Variants in ADAMTS2 observed in about 807,000 individuals in gnomAD.
The protein encoded by ADAMTS2 is A disintegrin and metalloproteinase with thrombospondin motifs 2.
Under a neutral mutation model 123.0 loss-of-function variants are expected in ADAMTS2, and 50 were observed. The observed-to-expected ratio is 0.41, with a 90% CI of 0.32 to 0.51. The LOEUF (loss-of-function observed/expected upper bound fraction) is 0.51, where lower values mean the gene tolerates loss of function less well. Ranked by LOEUF, ADAMTS2 falls within the 20% of genes least tolerant of loss-of-function variation. The pLI, the probability that ADAMTS2 is intolerant of heterozygous loss-of-function variation, is 0.35. For synonymous variants in ADAMTS2, 678 were observed against 695.4 expected (o/e 0.98, Z 0.39); for missense variants, 1,494 against 1,705.2 (o/e 0.88, Z 2.18).
intron 2 of ADAMTS2, among the ~76,000 whole-genome samples, chr5:179,321,907 G>A (rs2113594782): frequency 6.6e-6 from 1 of 152,246 alleles, no homozygotes; most frequent in Non-Finnish European, 1.5e-5. Context: ...GCCTCTCCAT[G>A]TTTCCTGAGT....
intron 5 of ADAMTS2, among the ~76,000 whole-genome samples, chr5:179,164,111 G>T (rs188173884): frequency 1.9e-3 from 285 of 152,298 alleles, no homozygotes; most frequent in Non-Finnish European, 3.0e-3. Flanking sequence ...ACCTGCCACT[G>T]GGAGCTTAAC....
chr5:179,205,327 A>G (rs1764654521), intron 4 of ADAMTS2, among the ~76,000 whole-genome samples: 2 of 152,248 alleles, frequency 1.3e-5, no homozygotes, highest in Admixed American at 1.3e-4. Flanking sequence ...TGTCATGATA[A>G]CAAAACCACA....
chr5:179,342,381 T>A (rs1047324245), intron 2 of ADAMTS2, among the ~76,000 whole-genome samples: 1 of 152,162 alleles, frequency 6.6e-6, no homozygotes, highest in Non-Finnish European at 1.5e-5. Flanking sequence ...CAGTGGGCGA[T>A]GTCAAGGGCT....
chr5:179,322,071 A>G (rs1021651750), intron 2 of ADAMTS2, among the ~76,000 whole-genome samples: 23 of 152,240 alleles, frequency 1.5e-4, no homozygotes, highest in Non-Finnish European at 2.9e-5. Flanking sequence ...ATGTGCATGG[A>G]CGTGGGAGAC....
rs1763514599 is a variant in ADAMTS2, at chr5:179,158,014, G to C, written c.1132+709C>G. 6.6e-6 allele frequency among the ~76,000 whole-genome samples: 1 copy of C among 151,746 alleles called. No individual in the cohort carries two copies. The highest frequency in any genetic ancestry group is 2.1e-4 in the South Asian group (1 of 4,796). On this transcript the variant is annotated intron_variant, in intron 6 of 21. Coordinates refer to ENST00000251582, the MANE Select transcript of ADAMTS2 (RefSeq NM_014244.5). This position sits in a 1 kb window ranked among gnomAD's most constrained non-coding sequence, Gnocchi z 5.0. Reference sequence around the variant, plus strand: ...GAGTCTCGCACTGTCTCCCAGGCTGGAGCAAAGTGGTGCGATCTCGACTCA... The same window carrying C: ...GAGTCTCGCACTGTCTCCCAGGCTGCAGCAAAGTGGTGCGATCTCGACTCA...
chr5:179,186,689 T>G (rs1764178448), intron 4 of ADAMTS2, among the ~76,000 whole-genome samples: 3 of 152,190 alleles, frequency 2.0e-5, no homozygotes, highest in Non-Finnish European at 4.4e-5. Flanking sequence ...GAGAGTCGAC[T>G]GATGTGGCAA....
chr5:179,200,957 T>C (rs1434558306), intron 4 of ADAMTS2, among the ~76,000 whole-genome samples: 1 of 152,182 alleles, frequency 6.6e-6, no homozygotes, highest in African/African-American at 2.4e-5. Flanking sequence ...AGGGCATGAA[T>C]AGGCCAAGCA....
At chr5:179,149,632 G>A (rs1763314765) in intron 10 of ADAMTS2, among the ~76,000 whole-genome samples, 1 of 152,218 alleles carries the variant, frequency 6.6e-6, no homozygotes, top group Non-Finnish European at 1.5e-5. Flanking sequence ...GTCCTTGCGG[G>A]AAAGGGTGGG....
chr5:179,316,569 C>G (rs1411503312), intron 2 of ADAMTS2, among the ~76,000 whole-genome samples: 1 of 152,234 alleles, frequency 6.6e-6, no homozygotes, highest in Non-Finnish European at 1.5e-5. Context: ...AACCTGTGAG[C>G]TCCAAGAGAA....
At chr5:179,269,157 G>A (rs1000382583) in intron 3 of ADAMTS2, among the ~76,000 whole-genome samples, 1 of 152,180 alleles carries the variant, frequency 6.6e-6, no homozygotes, top group Non-Finnish European at 1.5e-5. Flanking sequence ...GCCAAGGGAG[G>A]CTGGCAGCCC....
intron 10 of ADAMTS2, among the ~76,000 whole-genome samples, chr5:179,144,642 G>C (rs1481533895): frequency 6.6e-6 from 1 of 152,178 alleles, no homozygotes; most frequent in African/African-American, 2.4e-5. Flanking sequence ...CAATTCAATG[G>C]AAAAGGAATA....
chr5:179,254,992 T>C (rs1196148212), intron 3 of ADAMTS2, among the ~76,000 whole-genome samples: 1 of 143,976 alleles, frequency 6.9e-6, no homozygotes, highest in East Asian at 2.0e-4. Context: ...GATGAATGGA[T>C]GATGAATGAT....
Position 179,231,542 on chromosome 5 carries a change from G to A in ADAMTS2, c.689-23827C>T, listed in dbSNP as rs1192399828. 5.3e-5 allele frequency among the ~76,000 whole-genome samples: 8 copies of A among 152,140 alleles called. No individual in the cohort carries two copies. In the East Asian group the frequency reaches 9.6e-4, roughly 18 times the overall value. On this transcript the variant is annotated intron_variant, in intron 3 of 21. Coordinates refer to ENST00000251582, the MANE Select transcript of ADAMTS2 (RefSeq NM_014244.5). ...CACACTTGCTGAACTGTAAGGGGCC[G>A]GTGACCTCTACAGTCGCCTACCATG...
chr5:179,313,158 CCCT>C (rs1187290204), intron 2 of ADAMTS2, among the ~76,000 whole-genome samples: 1 of 152,256 alleles, frequency 6.6e-6, no homozygotes, highest in Non-Finnish European at 1.5e-5. Context: ...TACCGGGGCT[CCCT>C]CCTCAGGAGT....
At chr5:179,253,848 G>C (rs1211597265) in intron 3 of ADAMTS2, among the ~76,000 whole-genome samples, 1 of 152,102 alleles carries the variant, frequency 6.6e-6, no homozygotes, top group South Asian at 2.1e-4. Flanking sequence ...CTCCAAATCT[G>C]ATCATCGGCT....
At chr5:179,138,733 G>A (rs943165509) in intron 11 of ADAMTS2, among the ~76,000 whole-genome samples, 1 of 152,214 alleles carries the variant, frequency 6.6e-6, no homozygotes, top group Non-Finnish European at 1.5e-5. Flanking sequence ...GTTCACACGT[G>A]CTGCTGAGGG....
chr5:179,165,894 T>C (rs1054844679), intron 5 of ADAMTS2, among the ~76,000 whole-genome samples: 1 of 152,114 alleles, frequency 6.6e-6, no homozygotes, highest in African/African-American at 2.4e-5. Flanking sequence ...GGAGGAGTCC[T>C]GAGTGGGCTG....
In ADAMTS2 at chr5:179,253,093, C is replaced by T. The variant is rs6865490; in HGVS notation, c.688+19818G>A. ...GCTTGCCTTTGGCGGCCTGATAGGT[C>T]TGTTTCCATACTTTACTTTCCACTT... On this transcript the variant is annotated intron_variant, in intron 3 of 21. Coordinates refer to ENST00000251582, the MANE Select transcript of ADAMTS2 (RefSeq NM_014244.5). Among the ~76,000 whole-genome samples, 1,503 of 152,294 alleles carry T rather than the reference C, an allele frequency of 9.9e-3. 31 individuals carry two copies. Among genetic ancestry groups the T allele is most frequent in the African/African-American group, 0.034 (1,427 of 41,546 alleles).
Position 179,155,199 on chromosome 5 carries a change from T to G in ADAMTS2, c.1133-280A>C, listed in dbSNP as rs955759758. Among the ~76,000 whole-genome samples the G allele has an allele frequency of 6.6e-6, 1 of 152,224 alleles. No individual in the cohort carries two copies. Among genetic ancestry groups the G allele is most frequent in the African/African-American group, 2.4e-5 (1 of 41,464 alleles). ...AGCTGGGGCCCTCTGCTTAGTCAGA[T>G]GTCACCTGCTATGGCTTGTCTGACA... On this transcript the variant is annotated intron_variant, in intron 6 of 21. Coordinates refer to ENST00000251582, the MANE Select transcript of ADAMTS2 (RefSeq NM_014244.5). This position sits in a 1 kb window ranked among gnomAD's most constrained non-coding sequence, Gnocchi z 5.1.
Sources: allele counts gnomAD v4.1 joint callset (sites outside exome capture counted in the v4.1 genomes callset), GRCh38; gene constraint gnomAD v4.1.1; non-coding constraint Gnocchi (gnomAD v3.1); transcripts MANE v1.5; gene names NCBI Gene and HGNC (gene_info 2026-07-23, HGNC 2026-07-21).